MAGI2: variants seen among roughly 807,000 people sequenced by gnomAD.
The protein encoded by MAGI2 is membrane-associated guanylate kinase, WW and PDZ domain-containing protein 2.
A neutral mutation model predicts 133.3 loss-of-function variants in MAGI2; 35 were observed. That is an observed-to-expected ratio of 0.26 (90% CI 0.20 to 0.35). The LOEUF is 0.35. Among genes scored for constraint, MAGI2 ranks in the 10% least tolerant of loss-of-function variants. The pLI, the probability that MAGI2 is intolerant of heterozygous loss-of-function variation, is 1.00. For synonymous variants in MAGI2, 729 were observed against 710.6 expected (o/e 1.03, Z -0.41); for missense variants, 1,636 against 1,863.4 (o/e 0.88, Z 2.25).
chr7:78,481,120 T>A (rs1463657507), intron 6 of MAGI2, among the ~76,000 whole-genome samples: 2 of 151,974 alleles, frequency 1.3e-5, no homozygotes, highest in Non-Finnish European at 2.9e-5. Flanking sequence ...ACAATTTTGA[T>A]AAGAGTAAAG....
intron 2 of MAGI2, among the ~76,000 whole-genome samples, chr7:78,912,699 C>T (rs893255894): frequency 6.7e-6 from 1 of 149,236 alleles, no homozygotes; most frequent in Non-Finnish European, 1.5e-5. Flanking sequence ...TGAGTTAATA[C>T]TTAATAAACT....
intron 13 of MAGI2, among the ~76,000 whole-genome samples, chr7:78,185,168 T>A (rs1171698054): frequency 6.6e-6 from 1 of 152,254 alleles, no homozygotes; most frequent in Non-Finnish European, 1.5e-5. Flanking sequence ...TGTTTCAACA[T>A]AAATCAATAT....
chr7:78,710,789 C>T (rs1186167005), intron 2 of MAGI2, among the ~76,000 whole-genome samples: 1 of 152,084 alleles, frequency 6.6e-6, no homozygotes, highest in Non-Finnish European at 1.5e-5. Flanking sequence ...TACAGGCAAC[C>T]CCTCTGTACC....
At chr7:79,214,475 A>G (rs1829833377) in intron 1 of MAGI2, among the ~76,000 whole-genome samples, 1 of 135,262 alleles carries the variant, frequency 7.4e-6, no homozygotes, top group African/African-American at 2.7e-5. Context: ...ATATATATAC[A>G]TATATATGTA....
At chr7:78,935,751 T>G (rs1800461592) in intron 2 of MAGI2, among the ~76,000 whole-genome samples, 3 of 152,086 alleles carry the variant, frequency 2.0e-5, no homozygotes, top group African/African-American at 7.2e-5. Flanking sequence ...AACATAATCA[T>G]AAGAGTCAAA....
At chr7:78,781,362 C>T (rs1583863846) in intron 2 of MAGI2, among the ~76,000 whole-genome samples, 2 of 118,654 alleles carry the variant, frequency 1.7e-5, no homozygotes, top group South Asian at 5.4e-4. Context: ...CTGGGCGACA[C>T]AGTGAGACTC....
At chr7:78,135,634 C>A (rs1219006158) in intron 16 of MAGI2, among the ~76,000 whole-genome samples, 2 of 152,138 alleles carry the variant, frequency 1.3e-5, no homozygotes, top group Non-Finnish European at 2.9e-5. Flanking sequence ...AGCTCATATT[C>A]TAGGGACAAT....
intron 21 of MAGI2, among the ~76,000 whole-genome samples, chr7:78,076,852 C>CACAAA (rs1491547468): frequency 7.1e-5 from 3 of 42,552 alleles, no homozygotes; most frequent in Non-Finnish European, 8.3e-5. Context: ...GACTCCGTCT[C>CACAAA]AAAAAAAAAA....
At chr7:78,131,085 T>A (rs886593) in intron 18 of MAGI2, among the ~76,000 whole-genome samples, 130,428 of 152,258 alleles carry the variant, frequency 0.86, 56,246 homozygotes, top group African/African-American at 0.91. Context: ...GCAAGAAGAG[T>A]CTGAAGCTGG....
intron 9 of MAGI2, among the ~76,000 whole-genome samples, chr7:78,283,737 T>C (rs1253438997): frequency 1.3e-5 from 2 of 152,104 alleles, no homozygotes; most frequent in African/African-American, 2.4e-5. Context: ...CAGTCATCTA[T>C]AGAATACATG....
intron 6 of MAGI2, among the ~76,000 whole-genome samples, chr7:78,414,636 G>A (rs988582903): frequency 1.3e-5 from 2 of 151,714 alleles, no homozygotes; most frequent in South Asian, 2.1e-4. Context: ...ATACATGAGC[G>A]TGCACATGTG....
intron 14 of MAGI2, among the ~76,000 whole-genome samples, chr7:78,174,452 G>A (rs1209430455): frequency 2.6e-5 from 4 of 152,226 alleles, no homozygotes; most frequent in African/African-American, 7.2e-5. Flanking sequence ...TCCCACAGAA[G>A]TGATACAAAA....
intron 1 of MAGI2, among the ~76,000 whole-genome samples, chr7:79,439,754 A>G (rs1034494713): frequency 1.3e-5 from 2 of 152,162 alleles, no homozygotes; most frequent in African/African-American, 4.8e-5. Flanking sequence ...TAAATTTATG[A>G]CACAAAAAGA....
intron 9 of MAGI2, among the ~76,000 whole-genome samples, chr7:78,316,938 G>A (rs529830433): frequency 2.6e-5 from 4 of 151,932 alleles, no homozygotes; most frequent in Non-Finnish European, 5.9e-5. Context: ...CCCTACCCTT[G>A]CTTCACCCGT....
intron 10 of MAGI2, among the ~76,000 whole-genome samples, chr7:78,249,755 C>T (rs1285348046): frequency 3.3e-5 from 5 of 151,956 alleles, no homozygotes; most frequent in African/African-American, 7.2e-5. Context: ...TACGAAGTTA[C>T]TGTTAGGAGA....
intron 2 of MAGI2, among the ~76,000 whole-genome samples, chr7:78,996,054 A>G (rs906181719): frequency 6.6e-6 from 1 of 152,132 alleles, no homozygotes; most frequent in African/African-American, 2.4e-5. Context: ...CTATTTACAT[A>G]CTTGTTTTAG....
At chr7:78,400,065 G>A (rs1295049108) in intron 6 of MAGI2, among the ~76,000 whole-genome samples, 1 of 152,130 alleles carries the variant, frequency 6.6e-6, no homozygotes, top group Non-Finnish European at 1.5e-5. Context: ...ATACCTGATT[G>A]CATTTGATTT....
intron 2 of MAGI2, among the ~76,000 whole-genome samples, chr7:78,649,991 T>C (rs1811373274): frequency 6.6e-6 from 1 of 152,190 alleles, no homozygotes; most frequent in South Asian, 2.1e-4. Context: ...GGCCTGGGTA[T>C]GGCCTGAGAT....
chr7:79,385,473 G>A (rs142988265), intron 1 of MAGI2, among the ~76,000 whole-genome samples: 14 of 151,996 alleles, frequency 9.2e-5, no homozygotes, highest in Admixed American at 9.2e-4. Context: ...GAAGTCCACT[G>A]TATTGCATTT....
Sources: gnomAD v4.1 joint callset for allele counts (sites outside exome capture counted in the v4.1 genomes callset) on GRCh38, gnomAD v4.1.1 for gene constraint, MANE v1.5 for transcripts, NCBI Gene and HGNC (gene_info 2026-07-23, HGNC 2026-07-21) for gene names.